FARP1: variants seen among roughly 807,000 people sequenced by gnomAD.
FARP1 encodes FERM, ARHGEF and pleckstrin domain-containing protein 1.
In FARP1, 52 loss-of-function variants were observed where a neutral mutation model predicts 128.8. The ratio of observed to expected loss-of-function variants is 0.40; its 90% CI spans 0.32 to 0.51. FARP1 has a LOEUF of 0.51. FARP1 is among the 20% of genes least tolerant of loss of function. FARP1 has a pLI of 0.45. For synonymous variants in FARP1, 580 were observed against 551.8 expected (o/e 1.05, Z -0.72); for missense variants, 1,333 against 1,367.9 (o/e 0.97, Z 0.40).
chr13:98,207,428 G>A (rs9554447), intron 1 of FARP1, among the ~76,000 whole-genome samples: 32,551 of 151,974 alleles, frequency 0.21, 5,152 homozygotes, highest in East Asian at 0.67. Flanking sequence ...CAGAGGATGA[G>A]GAGTCTTGCT....
At chr13:98,175,893 T>C (rs1877976120) in intron 1 of FARP1, 1 of 453,626 alleles carries the variant, frequency 2.2e-6, no homozygotes. Flanking sequence ...AAGGATTTCC[T>C]TCCCGTTAAG....
At chr13:98,343,948 T>C in intron 3 of FARP1, 82 bp downstream of exon 3, 1 of 881,934 alleles carries the variant, frequency 1.1e-6, no homozygotes, top group Non-Finnish European at 1.9e-6. Flanking sequence ...TCTAAATGAT[T>C]GTGAGTGAGA....
chr13:98,319,547 G>A (rs1886898924), intron 2 of FARP1, among the ~76,000 whole-genome samples: 1 of 152,182 alleles, frequency 6.6e-6, no homozygotes, highest in South Asian at 2.1e-4. Context: ...GTGAACCCGG[G>A]AGGCGGAGGT....
chr13:98,288,714 G>T (rs1208868815), intron 2 of FARP1, among the ~76,000 whole-genome samples: 1 of 152,182 alleles, frequency 6.6e-6, no homozygotes, highest in African/African-American at 2.4e-5. Flanking sequence ...TCATTGTTTT[G>T]ATGGCGGTAA....
intron 3 of FARP1, among the ~76,000 whole-genome samples, chr13:98,357,203 ATTG>A: frequency 6.6e-6 from 1 of 152,132 alleles, no homozygotes; most frequent in South Asian, 2.1e-4. Flanking sequence ...TAATGTGATT[ATTG>A]ATATAGTTTA....
intron 2 of FARP1, among the ~76,000 whole-genome samples, chr13:98,274,198 A>G (rs1296643787): frequency 6.6e-6 from 1 of 152,136 alleles, no homozygotes; most frequent in Admixed American, 6.6e-5. Flanking sequence ...GTTAGAGGAA[A>G]AAAGTGAAAA....
At chr13:98,199,096 A>G (rs138741518) in intron 1 of FARP1, among the ~76,000 whole-genome samples, 191 of 150,560 alleles carry the variant, frequency 1.3e-3, no homozygotes, top group African/African-American at 4.4e-3. Flanking sequence ...TCGCACTTCT[A>G]TTAGTCGGAT....
At chr13:98,405,537 C>A (rs1890939003) in intron 13 of FARP1, 1 of 152,110 alleles carries the variant, frequency 6.6e-6, no homozygotes, top group South Asian at 2.1e-4. Flanking sequence ...GTCATGAAAT[C>A]ATGGGGAAGA....
At chr13:98,178,927 T>C (rs747195599) in intron 1 of FARP1, among the ~76,000 whole-genome samples, 5 of 152,256 alleles carry the variant, frequency 3.3e-5, no homozygotes, top group African/African-American at 4.8e-5. Flanking sequence ...TCCAGCTGTT[T>C]ATACTTCAGA....
At chr13:98,299,660 A>G (rs1885841856) in intron 2 of FARP1, among the ~76,000 whole-genome samples, 1 of 152,198 alleles carries the variant, frequency 6.6e-6, no homozygotes. Flanking sequence ...ACCTGAATTC[A>G]TAATTTCCTT....
intron 16 of FARP1, among the ~76,000 whole-genome samples, chr13:98,420,288 C>T (rs1191196457): frequency 6.6e-6 from 1 of 152,198 alleles, no homozygotes; most frequent in Non-Finnish European, 1.5e-5. Context: ...GGAGACAAAA[C>T]TCGTCATACA....
At position 98,146,763 on chromosome 13, in the gene FARP1, C is replaced by G. The variant is rs796286303; in HGVS notation, c.-24+3271C>G. ...GTTACCGTTTGCCTGGGAAGGGAGG[C>G]TGTGGGGTTTTAGGCTCTCGTGGCA... On this transcript the variant is annotated intron_variant, in intron 1 of 26. Transcript: ENST00000319562. 4.9e-4 allele frequency among the ~76,000 whole-genome samples: 75 copies of G among 152,274 alleles called. 2 individuals carry two copies. The highest frequency in any genetic ancestry group is 1.5e-3 in the African/African-American group (61 of 41,568).
At chr13:98,441,297 C>T (rs1594543399) in intron 24 of FARP1, among the ~76,000 whole-genome samples, 2 of 152,290 alleles carry the variant, frequency 1.3e-5, no homozygotes, top group Admixed American at 1.3e-4. Context: ...ATGAGGGTCA[C>T]GGCAGACACT....
intron 26 of FARP1, chr13:98,447,964 GGCC>G: frequency 2.0e-6 from 1 of 492,972 alleles, no homozygotes; most frequent in South Asian, 2.8e-5. Flanking sequence ...AGCAACCAGA[GGCC>G]ACCTCGCTCC....
intron 6 of FARP1, among the ~76,000 whole-genome samples, chr13:98,379,960 A>G (rs896909362): frequency 6.6e-6 from 1 of 152,098 alleles, no homozygotes; most frequent in African/African-American, 2.4e-5. Context: ...TTCACCTGCA[A>G]CCCTCCTTTT....
chr13:98,225,740 T>G (rs1014093755), intron 2 of FARP1, among the ~76,000 whole-genome samples: 3 of 152,232 alleles, frequency 2.0e-5, no homozygotes, highest in Non-Finnish European at 4.4e-5. Context: ...GTTAGAGTCT[T>G]TATGTGGGTA....
intron 13 of FARP1, chr13:98,397,640 T>A (rs1890598441): frequency 6.6e-6 from 1 of 152,214 alleles, no homozygotes; most frequent in African/African-American, 2.4e-5. Context: ...TTCTGAGATA[T>A]TTTAAAAATT....
rs1226636199 is a variant in FARP1, at chr13:98,448,705, TG to T, written c.*390del. 1 of 167,580 alleles carries T rather than the reference TG, an allele frequency of 6.0e-6. No individual in the cohort carries two copies. Among genetic ancestry groups the T allele is most frequent in the African/African-American group, 2.4e-5 (1 of 41,508 alleles). 10.4% of individuals were successfully genotyped at this position (167,580 alleles called of 1,614,324 possible). On this transcript the variant is annotated 3_prime_UTR_variant, in exon 27 of 27. Coordinates refer to ENST00000319562, the MANE Select transcript of FARP1 (RefSeq NM_005766.4). Reference sequence around the variant, plus strand: ...TCTTTCTTTTATTATTTTCACCTATTGGCTGCTGCATTTTACGAAGTGGACT... The same window carrying T: ...TCTTTCTTTTATTATTTTCACCTATTGCTGCTGCATTTTACGAAGTGGACT...
chr13:98,366,357 A>T (rs533759883), intron 4 of FARP1, among the ~76,000 whole-genome samples: 1 of 152,222 alleles, frequency 6.6e-6, no homozygotes, highest in African/African-American at 2.4e-5. Context: ...GTTACTTATA[A>T]TAATTATACT....
Sources: allele counts gnomAD v4.1 joint callset (sites outside exome capture counted in the v4.1 genomes callset), GRCh38; gene constraint gnomAD v4.1.1; transcripts MANE v1.5; gene names NCBI Gene and HGNC (gene_info 2026-07-23, HGNC 2026-07-21).